The following PRMT3 variants were observed in gnomAD, a reference collection of about 807,000 sequenced individuals.
The protein encoded by PRMT3 is protein arginine methyltransferase 3, also known as protein arginine N-methyltransferase 3.
PRMT3 carries 62 observed loss-of-function variants against 71.9 expected under a neutral mutation model. The observed-to-expected ratio is 0.86, with a 90% CI of 0.70 to 1.07. The LOEUF is 1.07. Ranked by LOEUF, PRMT3 falls within the 50% of genes least tolerant of loss-of-function variation. The pLI is 0.00. For missense variants in PRMT3, 663 were observed against 643.0 expected, an observed-to-expected ratio of 1.03 and a Z score of -0.34; for synonymous variants, 213 against 220.4, an observed-to-expected ratio of 0.97 and a Z score of 0.30.
At chr11:20,462,263 C>G (rs1850403522) in intron 12 of PRMT3, 96 bp downstream of exon 12, 7 of 973,564 alleles carry the variant, frequency 7.2e-6, no homozygotes, top group Non-Finnish European at 1.1e-5. Flanking sequence ...TATGGGCTTT[C>G]AAAACAGTAC....
chr11:20,488,204 A>AAT (rs1297251812), intron 13 of PRMT3, among the ~76,000 whole-genome samples: 1 of 152,192 alleles, frequency 6.6e-6, no homozygotes, highest in Non-Finnish European at 1.5e-5. Context: ...AAAAAATCAT[A>AAT]ATATATAATT....
intron 15 of PRMT3, among the ~76,000 whole-genome samples, chr11:20,500,042 C>T (rs528820964): frequency 3.3e-5 from 5 of 152,220 alleles, no homozygotes; most frequent in South Asian, 2.1e-4. Flanking sequence ...TTCCAATATC[C>T]CCCAGCCTGG....
chr11:20,464,584 C>T, intron 13 of PRMT3, 38 bp downstream of exon 13: 3 of 1,604,208 alleles, frequency 1.9e-6, no homozygotes, highest in Admixed American at 1.7e-5. Context: ...ATTTCACTAG[C>T]AGTGCAGTTG....
intron 2 of PRMT3, among the ~76,000 whole-genome samples, chr11:20,389,199 T>C (rs965851553): frequency 1.8e-4 from 28 of 152,234 alleles, no homozygotes; most frequent in African/African-American, 6.3e-4. Context: ...GATTTGCATG[T>C]CACATAATAA....
chr11:20,507,680 G>C (rs906936350), intron 15 of PRMT3, among the ~76,000 whole-genome samples: 11 of 152,158 alleles, frequency 7.2e-5, no homozygotes, highest in African/African-American at 2.7e-4. Flanking sequence ...TTGGGAGGCT[G>C]AGGCAGGAGA....
At chr11:20,421,272 A>G (rs530112938) in intron 9 of PRMT3, among the ~76,000 whole-genome samples, 1 of 152,260 alleles carries the variant, frequency 6.6e-6, no homozygotes, top group East Asian at 1.9e-4. Flanking sequence ...TCTTGGGCTC[A>G]AGCAATCCTC....
At chr11:20,424,488 A>C (rs1849499027) in intron 9 of PRMT3, among the ~76,000 whole-genome samples, 1 of 152,228 alleles carries the variant, frequency 6.6e-6, no homozygotes, top group African/African-American at 2.4e-5. Context: ...TCTGTCCAAC[A>C]AAGTTTTTTC....
chr11:20,493,324 T>C (rs1851254883), intron 13 of PRMT3, among the ~76,000 whole-genome samples: 1 of 152,216 alleles, frequency 6.6e-6, no homozygotes, highest in Non-Finnish European at 1.5e-5. Flanking sequence ...ACAGATATAC[T>C]GGACTAGAAG....
intron 15 of PRMT3, among the ~76,000 whole-genome samples, chr11:20,496,526 A>G (rs918659050): frequency 5.9e-5 from 9 of 151,374 alleles, no homozygotes; most frequent in African/African-American, 2.2e-4. Context: ...GCAACCATAC[A>G]TACACATATC....
At chr11:20,504,707 T>TGTGTGTGAGAGAGAGAGA (rs1332372470) in intron 15 of PRMT3, among the ~76,000 whole-genome samples, 3 of 133,588 alleles carry the variant, frequency 2.2e-5, no homozygotes, top group Admixed American at 7.6e-5. Context: ...TGTGTGTGTG[T>TGTGTGTGAGAGAGAGAGA]GAGAGAGAGA....
intron 13 of PRMT3, among the ~76,000 whole-genome samples, chr11:20,481,462 A>G (rs962337564): frequency 3.3e-5 from 5 of 152,098 alleles, no homozygotes; most frequent in African/African-American, 7.2e-5. Flanking sequence ...TTAATACAAT[A>G]TGGCACTCAC....
intron 10 of PRMT3, among the ~76,000 whole-genome samples, chr11:20,437,457 G>GT (rs1463825300): frequency 5.3e-5 from 8 of 152,168 alleles, no homozygotes; most frequent in Non-Finnish European, 8.8e-5. Flanking sequence ...GGTGTGGTGA[G>GT]TATGTTTCCA....
intron 9 of PRMT3, among the ~76,000 whole-genome samples, chr11:20,423,781 A>G (rs1001743104): frequency 8.8e-5 from 13 of 148,210 alleles, no homozygotes; most frequent in African/African-American, 2.3e-4. Flanking sequence ...ATCAGTTCCA[A>G]AAAGTTCTCT....
intron 7 of PRMT3, among the ~76,000 whole-genome samples, chr11:20,400,961 G>T (rs551483548): frequency 8.6e-5 from 10 of 115,890 alleles, no homozygotes; most frequent in African/African-American, 2.9e-4. Context: ...TTGCGTTTTC[G>T]TATTTATTGG....
At chr11:20,398,166 TTAGA>T (rs1306184148) in intron 7 of PRMT3, among the ~76,000 whole-genome samples, 1 of 152,054 alleles carries the variant, frequency 6.6e-6, no homozygotes, top group Admixed American at 6.6e-5. Flanking sequence ...ATAGGAACAA[TTAGA>T]TGGATTAAAT....
chr11:20,392,863 A>G (rs1317444981), intron 4 of PRMT3, 34 bp from the exon 5 acceptor site: 1 of 1,325,756 alleles, frequency 7.5e-7, no homozygotes. Context: ...GATTATATGT[A>G]ATGAAAAAAA....
intron 15 of PRMT3, among the ~76,000 whole-genome samples, chr11:20,499,096 G>A (rs1450714551): frequency 6.6e-6 from 1 of 152,014 alleles, no homozygotes; most frequent in Non-Finnish European, 1.5e-5. Context: ...AATGTTTTTA[G>A]GCTTAAAACA....
At chr11:20,508,273 ATTC>A (rs746999633) in intron 15 of PRMT3, 28 bp from the exon 16 acceptor site, 4 of 1,371,620 alleles carry the variant, frequency 2.9e-6, no homozygotes, top group Admixed American at 3.4e-5. Context: ...TATTCCTTGA[ATTC>A]TTAACAATTT....
chr11:20,508,522 C>G lies in PRMT3; in HGVS notation c.*109C>G. Reference sequence around the variant, plus strand: ...AGATGGATGGATGATGGACCCTTTCCTAATGAGCCTCCTCAATAAGAGAGA... The same window carrying G: ...AGATGGATGGATGATGGACCCTTTCGTAATGAGCCTCCTCAATAAGAGAGA... On this transcript the variant is annotated 3_prime_UTR_variant, in exon 16 of 16. Coordinates refer to ENST00000331079, the MANE Select transcript of PRMT3 (RefSeq NM_005788.4). 1.3e-6 allele frequency: 1 copy of G among 766,768 alleles called. No homozygotes were observed. The highest frequency in any genetic ancestry group is 1.9e-5 in the Admixed American group (1 of 51,962). 47.5% of individuals were successfully genotyped at this position (766,768 alleles called of 1,614,324 possible).
Sources: allele counts gnomAD v4.1 joint callset (sites outside exome capture counted in the v4.1 genomes callset), GRCh38; gene constraint gnomAD v4.1.1; transcripts MANE v1.5; gene names NCBI Gene and HGNC (gene_info 2026-07-23, HGNC 2026-07-21).